GSE1: variants seen among roughly 807,000 people sequenced by gnomAD.
The protein encoded by GSE1 is Gse1 coiled-coil protein, also known as genetic suppressor element 1.
A neutral mutation model predicts 112.6 loss-of-function variants in GSE1; 32 were observed. The observed-to-expected ratio is 0.28, with a 90% CI of 0.21 to 0.38. The LOEUF (loss-of-function observed/expected upper bound fraction) is 0.38, where lower values mean the gene tolerates loss of function less well. GSE1 is among the 10% of genes least tolerant of loss of function. The pLI is 1.00. For synonymous variants in GSE1, 1,115 were observed against 735.6 expected (o/e 1.52, Z -8.35); for missense variants, 2,348 against 1,699.2 (o/e 1.38, Z -6.71).
At chr16:85,394,783 C>T (rs770039029) in intron 2 of GSE1, among the ~76,000 whole-genome samples, 4 of 152,140 alleles carry the variant, frequency 2.6e-5, no homozygotes, top group East Asian at 1.9e-4. Context: ...CTCTCCTGTT[C>T]GTGCCACTTC....
At chr16:85,423,836 C>T (rs1477362583) in intron 2 of GSE1, among the ~76,000 whole-genome samples, 2 of 152,278 alleles carry the variant, frequency 1.3e-5, no homozygotes, top group African/African-American at 4.8e-5. Context: ...GCCTCTGCCG[C>T]TCACAGGCAG....
chr16:85,220,651 T>C (rs1256100161), intron 1 of GSE1, among the ~76,000 whole-genome samples: 1 of 152,116 alleles, frequency 6.6e-6, no homozygotes, highest in East Asian at 1.9e-4. Flanking sequence ...CCGCTTGCCC[T>C]GGCCCGTCTC....
In GSE1 at chr16:85,359,946, A is replaced by G. The variant is rs552343939; in HGVS notation, c.2464+2303A>G. ...CTACTCAGGTGGCTGAGGTGGGAGG[A>G]TCACTTGATTCCAGGAGGTTGAGGC... On this transcript the variant is annotated intron_variant, in intron 2 of 2. Coordinates refer to the GSE1 transcript ENST00000637419. Among the ~76,000 whole-genome samples, 3 of 152,270 alleles carry G rather than the reference A, an allele frequency of 2.0e-5. No individual in the cohort carries two copies. The East Asian group carries it at 5.8e-4, about 29-fold the overall frequency.
upstream of GSE1, chr16:85,555,169 G>C: frequency 1.0e-6 from 1 of 985,426 alleles, no homozygotes; most frequent in South Asian, 4.7e-5. Context: ...TTCATTAGGG[G>C]AGACAAATCT....
intron 2 of GSE1, among the ~76,000 whole-genome samples, chr16:85,416,891 T>C (rs994447147): frequency 1.3e-5 from 2 of 152,238 alleles, no homozygotes; most frequent in Admixed American, 6.5e-5. Context: ...AGTCTCACTC[T>C]GTCCCCCAGG....
At chr16:85,597,956 A>G (rs2047303393) in intron 1 of GSE1, among the ~76,000 whole-genome samples, 1 of 152,130 alleles carries the variant, frequency 6.6e-6, no homozygotes, top group South Asian at 2.1e-4. Context: ...CCCTCAGGGT[A>G]TTCAGAAGGG....
At chr16:85,526,998 C>T (rs1298846265) in intron 2 of GSE1, among the ~76,000 whole-genome samples, 4 of 152,188 alleles carry the variant, frequency 2.6e-5, no homozygotes, top group African/African-American at 9.7e-5. Context: ...AGTGCCAAAA[C>T]AGTGTTGTAA....
chr16:85,417,915 C>T (rs1026949557), intron 2 of GSE1, among the ~76,000 whole-genome samples: 1 of 152,256 alleles, frequency 6.6e-6, no homozygotes, highest in Non-Finnish European at 1.5e-5. Flanking sequence ...TCTCGGCTCA[C>T]TGCAACCTCC....
At chr16:85,506,669 C>G (rs1305455543) in intron 2 of GSE1, among the ~76,000 whole-genome samples, 1 of 152,050 alleles carries the variant, frequency 6.6e-6, no homozygotes, top group Admixed American at 6.5e-5. Flanking sequence ...TGCATTTCAA[C>G]CTGGGGAGGT....
chr16:85,471,911 C>T (rs1446144170), intron 2 of GSE1, among the ~76,000 whole-genome samples: 2 of 152,212 alleles, frequency 1.3e-5, no homozygotes, highest in African/African-American at 2.4e-5. Flanking sequence ...TTGTGGCTGG[C>T]ACCTGTGGTG....
chr16:85,320,930 T>C (rs2046094060), intron 1 of GSE1, among the ~76,000 whole-genome samples: 1 of 152,168 alleles, frequency 6.6e-6, no homozygotes, highest in South Asian at 2.1e-4. Flanking sequence ...TCCTCACTTC[T>C]TCTAGGAGTC....
At chr16:85,379,290 C>T (rs1410766704) in intron 2 of GSE1, among the ~76,000 whole-genome samples, 15 of 152,242 alleles carry the variant, frequency 9.9e-5, no homozygotes, top group Non-Finnish European at 8.8e-5. Flanking sequence ...ACTAGCTGAG[C>T]AGCTTCCAGA....
intron 2 of GSE1, among the ~76,000 whole-genome samples, chr16:85,423,977 T>C (rs1036431032): frequency 3.3e-5 from 5 of 152,086 alleles, no homozygotes; most frequent in Admixed American, 2.0e-4. Flanking sequence ...AGGCTGGCAC[T>C]GCCTGCTCTC....
At chr16:85,348,700 G>A (rs191268562) in intron 1 of GSE1, among the ~76,000 whole-genome samples, 3 of 152,260 alleles carry the variant, frequency 2.0e-5, no homozygotes, top group Admixed American at 2.0e-4. Flanking sequence ...TTCTCACCTG[G>A]CCTGCCTGGC....
intron 2 of GSE1, among the ~76,000 whole-genome samples, chr16:85,475,736 A>G (rs1567517247): frequency 6.6e-6 from 1 of 150,594 alleles, no homozygotes; most frequent in Non-Finnish European, 1.5e-5. Flanking sequence ...AAGAAAGAGG[A>G]GGCAGGAGCT....
upstream of GSE1, among the ~76,000 whole-genome samples, chr16:85,612,352 T>C (rs566034373): frequency 1.3e-5 from 2 of 151,606 alleles, no homozygotes; most frequent in South Asian, 2.1e-4. Flanking sequence ...GGACGCTCCC[T>C]GAGTCATTCC....
At chr16:85,451,208 C>T (rs1252107941) in intron 2 of GSE1, among the ~76,000 whole-genome samples, 1 of 151,780 alleles carries the variant, frequency 6.6e-6, no homozygotes, top group Non-Finnish European at 1.5e-5. Flanking sequence ...CCATAATTTA[C>T]AAAATTTTGC....
At chr16:85,177,274 T>A (rs992760921) in intron 1 of GSE1, among the ~76,000 whole-genome samples, 6 of 152,190 alleles carry the variant, frequency 3.9e-5, no homozygotes, top group African/African-American at 1.4e-4. Context: ...TGAGGTTAAC[T>A]CTGCTGGGAG....
At chr16:85,542,954 G>T (rs995339274) in intron 2 of GSE1, among the ~76,000 whole-genome samples, 2 of 152,218 alleles carry the variant, frequency 1.3e-5, no homozygotes, top group Non-Finnish European at 2.9e-5. Flanking sequence ...GTAGCCGGGC[G>T]TGGTGGCTCA....
Sources: gnomAD v4.1 joint callset for allele counts (sites outside exome capture counted in the v4.1 genomes callset) on GRCh38, gnomAD v4.1.1 for gene constraint, MANE v1.5 for transcripts, NCBI Gene and HGNC (gene_info 2026-07-23, HGNC 2026-07-21) for gene names.